PICALM: variants seen among roughly 807,000 people sequenced by gnomAD.
PICALM encodes the protein phosphatidylinositol-binding clathrin assembly protein.
Under a neutral mutation model 80.5 loss-of-function variants are expected in PICALM, and 40 were observed. The observed-to-expected ratio is 0.50, with a 90% CI of 0.39 to 0.65. PICALM has a LOEUF of 0.65. Among genes scored for constraint, PICALM ranks in the 30% least tolerant of loss-of-function variants. PICALM has a pLI of 0.00. For synonymous variants in PICALM, 288 were observed against 260.3 expected, an observed-to-expected ratio of 1.11 and a Z score of -1.02; for missense variants, 676 against 778.9, an observed-to-expected ratio of 0.87 and a Z score of 1.57.
At chr11:86,031,053 G>A (rs779697249) in intron 2 of PICALM, among the ~76,000 whole-genome samples, 2 of 152,190 alleles carry the variant, frequency 1.3e-5, no homozygotes, top group Non-Finnish European at 2.9e-5. Context: ...AGGAATTTGA[G>A]GTAGCAGTGA....
At chr11:86,052,925 A>G (rs1370488349) in intron 1 of PICALM, among the ~76,000 whole-genome samples, 5 of 152,160 alleles carry the variant, frequency 3.3e-5, no homozygotes, top group Admixed American at 3.3e-4. Flanking sequence ...CTGTCTACAA[A>G]TGTTTGCTCA....
chr11:86,021,692 C>A (rs1192364497), intron 4 of PICALM, among the ~76,000 whole-genome samples: 1 of 152,022 alleles, frequency 6.6e-6, no homozygotes, highest in African/African-American at 2.4e-5. Context: ...TAGGTATACA[C>A]CGAAGAGAAT....
intron 19 of PICALM, among the ~76,000 whole-genome samples, chr11:85,959,747 T>C (rs555415388): frequency 1.5e-3 from 233 of 150,428 alleles, no homozygotes; most frequent in Middle Eastern, 3.5e-3. Context: ...ACCTGGGTAA[T>C]TTTTGGGTGG....
intron 1 of PICALM, among the ~76,000 whole-genome samples, chr11:86,066,298 T>C (rs758905247): frequency 1.3e-5 from 2 of 152,220 alleles, no homozygotes; most frequent in African/African-American, 2.4e-5. Flanking sequence ...ATCAACAATG[T>C]AGGGAAAATA....
rs1484501391 is a variant in PICALM, at chr11:86,068,603, G to C, written c.130+48C>G. ...AAGAGAGAGAGAGAAGGACGCGCGCGGGTCGCGCGGGCGCCGGGGAGCGGG... is the reference window on the plus strand; with the variant it reads ...AAGAGAGAGAGAGAAGGACGCGCGCCGGTCGCGCGGGCGCCGGGGAGCGGG... On this transcript the variant is annotated intron_variant, in intron 1 of 19. Coordinates refer to ENST00000393346, the MANE Select transcript of PICALM (RefSeq NM_007166.4). The C allele has an allele frequency of 7.0e-6, 11 of 1,568,532 alleles. No individual in the cohort carries two copies. The Admixed American group carries it at 7.5e-5, about 11-fold the overall frequency.
chr11:85,975,294 CAT>C (rs5793176), intron 18 of PICALM, among the ~76,000 whole-genome samples: 30,688 of 151,968 alleles, frequency 0.2, 3,390 homozygotes, highest in Middle Eastern at 0.24. Context: ...CATTTTATTT[CAT>C]ATAAGAATCA....
At chr11:85,974,670 T>C (rs773431326) in intron 19 of PICALM, 38 bp downstream of exon 19, 2 of 1,318,802 alleles carry the variant, frequency 1.5e-6, no homozygotes, top group Non-Finnish European at 2.2e-6. Flanking sequence ...TCCTTCCAAA[T>C]CAAACACATT....
chr11:85,992,161 A>C (rs2094801732), intron 12 of PICALM, among the ~76,000 whole-genome samples: 1 of 151,422 alleles, frequency 6.6e-6, no homozygotes, highest in South Asian at 2.1e-4. Flanking sequence ...TTTAGTACTA[A>C]AAATATATAT....
intron 12 of PICALM, among the ~76,000 whole-genome samples, chr11:85,993,413 T>C (rs1363512534): frequency 6.6e-6 from 1 of 150,896 alleles, no homozygotes; most frequent in African/African-American, 2.4e-5. Context: ...GTTTTGTCCC[T>C]TTTTTTTTCA....
rs1446437172 is a variant in PICALM, at chr11:85,982,422, A to ATTTTTTTTTTTT, written c.1517-420_1517-419insAAAAAAAAAAAA. Among the ~76,000 whole-genome samples, 17 of 29,754 alleles carry ATTTTTTTTTTTT rather than the reference A, an allele frequency of 5.7e-4. 1 individual carries two copies. The highest frequency in any genetic ancestry group is 1.5e-3 in the South Asian group (2 of 1,368). 19.5% of individuals were successfully genotyped at this position (29,754 alleles called of 152,430 possible). ...TACGTTAAGAAATAAGATTTTATAG[A>ATTTTTTTTTTTT]CTTTTTTTTTTTTTTTGAGACGGAG... On this transcript the variant is annotated intron_variant, in intron 14 of 19. Transcript: ENST00000393346.
At position 86,061,485 on chromosome 11, in the gene PICALM, A is replaced by T. The variant is rs1467230581; in HGVS notation, c.130+7166T>A. On this transcript the variant is annotated intron_variant, in intron 1 of 19. Transcript: ENST00000393346. ...ACCTTAACGGACACCTCACTAAAGAAGATATAAAGATGGCGAGTATGCATA... is the reference window on the plus strand; with the variant it reads ...ACCTTAACGGACACCTCACTAAAGATGATATAAAGATGGCGAGTATGCATA... Among the ~76,000 whole-genome samples the T allele has an allele frequency of 2.6e-5, 4 of 152,202 alleles. No homozygotes were observed. In the East Asian group the frequency reaches 7.7e-4, roughly 29 times the overall value.
At chr11:86,027,072 C>T (rs2095659783) in intron 2 of PICALM, among the ~76,000 whole-genome samples, 1 of 152,136 alleles carries the variant, frequency 6.6e-6, no homozygotes, top group African/African-American at 2.4e-5. Context: ...AAGAATTGTC[C>T]CACTTAACAT....
chr11:85,997,228 A>G (rs1286945295), intron 11 of PICALM, among the ~76,000 whole-genome samples: 2 of 152,224 alleles, frequency 1.3e-5, no homozygotes, highest in East Asian at 3.8e-4. Context: ...GAACCTAAAC[A>G]ACAAGATTCT....
At chr11:86,035,238 C>G (rs896091777) in intron 1 of PICALM, among the ~76,000 whole-genome samples, 3 of 151,974 alleles carry the variant, frequency 2.0e-5, no homozygotes, top group African/African-American at 7.3e-5. Flanking sequence ...TCCCACCAGG[C>G]AGAGTTCACC....
At chr11:85,982,673 C>T (rs539722829) in intron 14 of PICALM, among the ~76,000 whole-genome samples, 70 of 149,388 alleles carry the variant, frequency 4.7e-4, no homozygotes, top group South Asian at 2.8e-3. Context: ...ATGATCCACC[C>T]GCCTCGGCCT....
At chr11:86,002,246 T>C (rs1273033303) in intron 9 of PICALM, among the ~76,000 whole-genome samples, 1 of 152,104 alleles carries the variant, frequency 6.6e-6, no homozygotes, top group Admixed American at 6.6e-5. Context: ...AAATCTAGGA[T>C]TAAAAATGAG....
chr11:86,050,819 T>C (rs527320850), intron 1 of PICALM, among the ~76,000 whole-genome samples: 1 of 152,276 alleles, frequency 6.6e-6, no homozygotes, highest in East Asian at 1.9e-4. Flanking sequence ...TCCCTTTTTT[T>C]TACATCCAAG....
intron 17 of PICALM, 43 bp downstream of exon 17, chr11:85,981,086 A>C (rs749670107): frequency 4.4e-6 from 4 of 903,938 alleles, no homozygotes; most frequent in Non-Finnish European, 7.4e-6. Context: ...ATATTTAACT[A>C]AATTATTCAA....
rs149449740 is a variant in PICALM at position 85,963,432 on chromosome 11, C to A, written c.1945-4372G>T. On this transcript the variant is annotated intron_variant, in intron 19 of 19. Coordinates refer to ENST00000393346, the MANE Select transcript of PICALM (RefSeq NM_007166.4). Reference sequence around the variant, plus strand: ...AAATAACATTCTCTATCCCAAAATTCCCACAGAGCCAAAAAAAATTGGTAT... The same window carrying A: ...AAATAACATTCTCTATCCCAAAATTACCACAGAGCCAAAAAAAATTGGTAT... Among the ~76,000 whole-genome samples, 698 of 152,268 alleles carry A rather than the reference C, an allele frequency of 4.6e-3. 3 individuals carry two copies. The highest frequency in any genetic ancestry group is 0.016 in the African/African-American group (670 of 41,544).
Sources: allele counts gnomAD v4.1 joint callset (sites outside exome capture counted in the v4.1 genomes callset), GRCh38; gene constraint gnomAD v4.1.1; transcripts MANE v1.5; gene names NCBI Gene and HGNC (gene_info 2026-07-23, HGNC 2026-07-21).